Variants in TENM2 observed in about 807,000 individuals in gnomAD.
TENM2 encodes the protein teneurin-2.
A neutral mutation model predicts 245.2 loss-of-function variants in TENM2; 52 were observed. The ratio of observed to expected loss-of-function variants is 0.21; its 90% CI spans 0.17 to 0.27. The LOEUF is 0.27. Among genes scored for constraint, TENM2 ranks in the 10% least tolerant of loss-of-function variants. TENM2 has a pLI of 1.00. For synonymous variants in TENM2, 1,363 were observed against 1,438.9 expected, an observed-to-expected ratio of 0.95 and a Z score of 1.19; for missense variants, 3,046 against 3,666.8, an observed-to-expected ratio of 0.83 and a Z score of 4.37.
intron 1 of TENM2, among the ~76,000 whole-genome samples, chr5:167,353,709 G>GTT (rs1441637435): frequency 6.6e-6 from 1 of 151,386 alleles, no homozygotes; most frequent in Non-Finnish European, 1.5e-5. Context: ...GGGTTTCACC[G>GTT]TTTTAGCCGG....
At chr5:168,061,665 T>A (rs1031404965) in intron 6 of TENM2, among the ~76,000 whole-genome samples, 1 of 152,144 alleles carries the variant, frequency 6.6e-6, no homozygotes, top group Non-Finnish European at 1.5e-5. Flanking sequence ...CTAGAAAGAA[T>A]AATGAAAGGC....
intron 3 of TENM2, among the ~76,000 whole-genome samples, chr5:167,921,118 C>T (rs1777336600): frequency 6.6e-6 from 1 of 152,214 alleles, no homozygotes; most frequent in South Asian, 2.1e-4. Flanking sequence ...TATATGATTT[C>T]ACCATAATAT....
chr5:167,195,052 T>A, the TENM2 span, among the ~76,000 whole-genome samples: 1 of 151,946 alleles, frequency 6.6e-6, no homozygotes, highest in East Asian at 1.9e-4. Flanking sequence ...TTTATACTAA[T>A]CCATGCAATT....
intron 12 of TENM2, among the ~76,000 whole-genome samples, chr5:168,158,807 ATGTG>A (rs371329253): frequency 0.12 from 9,704 of 80,068 alleles, 1,045 homozygotes; most frequent in African/African-American, 0.29. Flanking sequence ...TAAAAAAAAA[ATGTG>A]TGTGTGTGTG....
chr5:168,172,489 C>G (rs1341209424), intron 13 of TENM2, among the ~76,000 whole-genome samples: 1 of 152,092 alleles, frequency 6.6e-6, no homozygotes, highest in Admixed American at 6.6e-5. Flanking sequence ...AAACTAGGAG[C>G]CAGAGAGAAC....
At chr5:168,198,262 C>T (rs1761632022) in intron 15 of TENM2, among the ~76,000 whole-genome samples, 1 of 134,520 alleles carries the variant, frequency 7.4e-6, no homozygotes, top group African/African-American at 2.9e-5. Context: ...GTGGCGCAAT[C>T]TCGGCCCACT....
chr5:167,021,342 C>G, the TENM2 span, among the ~76,000 whole-genome samples: 2 of 151,998 alleles, frequency 1.3e-5, no homozygotes, highest in African/African-American at 2.4e-5. Context: ...GCTGCAGAAC[C>G]AAATACAGTA....
chr5:168,177,972 C>T (rs936129887), intron 13 of TENM2, among the ~76,000 whole-genome samples: 1 of 152,178 alleles, frequency 6.6e-6, no homozygotes, highest in Non-Finnish European at 1.5e-5. Flanking sequence ...CCTCTAATTC[C>T]ACAGGAAGCT....
At chr5:167,552,919 T>TAATGAATGAATGAATGAATGAATG (rs10657967) in intron 2 of TENM2, among the ~76,000 whole-genome samples, 1 of 150,564 alleles carries the variant, frequency 6.6e-6, no homozygotes, top group Admixed American at 6.6e-5. Context: ...GGTAAGTTAA[T>TAATGAATGAATGAATGAATGAATG]AATGAATGAA....
intron 5 of TENM2, among the ~76,000 whole-genome samples, chr5:168,018,821 C>T (rs1785893445): frequency 6.6e-6 from 1 of 152,164 alleles, no homozygotes; most frequent in African/African-American, 2.4e-5. Context: ...CTCTCTAAGA[C>T]CTTAGTGATG....
chr5:167,710,518 G>A (rs1041504784), intron 2 of TENM2, among the ~76,000 whole-genome samples: 15 of 152,148 alleles, frequency 9.9e-5, no homozygotes, highest in African/African-American at 3.1e-4. Context: ...CCAGATGAAC[G>A]ACAAGAGAGC....
At position 168,262,745 on chromosome 5, in the gene TENM2, C is replaced by A. The variant is rs1167462160; in HGVS notation, c.8260C>A (p.Pro2754Thr). The A allele has an allele frequency of 1.9e-6, 3 of 1,610,732 alleles. No homozygotes were observed. In the Admixed American group the frequency reaches 5.0e-5, roughly 27 times the overall value. The stretch of plus-strand genomic sequence containing the variant: ...TTACGTGCTTCCCGTGGAGCAATAC[C>A]CAGAGCTTGCAGACAGTAGCAGCAA... The change falls in exon 29 of 29, where the codon CCA becomes ACA. Residue 2754 changes from proline to threonine, a missense_variant. By Grantham distance (38) the Pro-to-Thr change is conservative. Around this residue, in one of 2 missense-constraint regions of TENM2, gnomAD observed 2,704 missense variants for 3,331.9 expected, o/e 0.81. Transcript: ENST00000518659.
intron 5 of TENM2, among the ~76,000 whole-genome samples, chr5:168,038,385 G>A (rs1787892594): frequency 6.6e-6 from 1 of 152,066 alleles, no homozygotes; most frequent in African/African-American, 2.4e-5. Flanking sequence ...CACCCTATAA[G>A]GTCAGTGTGA....
chr5:167,016,449 A>C, the TENM2 span, among the ~76,000 whole-genome samples: 165 of 152,234 alleles, frequency 1.1e-3, 1 homozygote, highest in African/African-American at 3.2e-3. Flanking sequence ...AAACCTTACG[A>C]ATTCCTGATT....
chr5:167,278,174 C>T, the TENM2 span, among the ~76,000 whole-genome samples: 1 of 152,012 alleles, frequency 6.6e-6, no homozygotes. Flanking sequence ...CATGGTGGCA[C>T]ACGCTTGTAG....
chr5:167,399,354 G>A (rs1581938079), intron 2 of TENM2, among the ~76,000 whole-genome samples: 1 of 152,288 alleles, frequency 6.6e-6, no homozygotes, highest in African/African-American at 2.4e-5. Flanking sequence ...ATCAAAATAT[G>A]CAAGAAGCCC....
At chr5:167,687,333 A>T (rs781433356) in intron 2 of TENM2, among the ~76,000 whole-genome samples, 5 of 152,186 alleles carry the variant, frequency 3.3e-5, no homozygotes, top group Non-Finnish European at 7.3e-5. Flanking sequence ...TTTTTAAAAT[A>T]TGCATATGCA....
Position 167,825,160 on chromosome 5 carries a change from G to A in TENM2, c.503-50826G>A, listed in dbSNP as rs536735399. On this transcript the variant is annotated intron_variant, in intron 2 of 28. Coordinates refer to ENST00000518659, the Ensembl canonical transcript of TENM2. ...ATGGTGGGTGTGTTCTGCTTCCTTC[G>A]TATAGTCAAAGCTTCTGGAGGTGGA... Among the ~76,000 whole-genome samples the A allele has an allele frequency of 4.1e-4, 62 of 152,072 alleles. No homozygotes were observed. The South Asian group carries it at 7.3e-3, about 18-fold the overall frequency.
intron 5 of TENM2, among the ~76,000 whole-genome samples, chr5:168,037,508 G>C (rs186220135): frequency 6.9e-6 from 1 of 145,406 alleles, no homozygotes; most frequent in Non-Finnish European, 1.5e-5. Context: ...TCAATTTAAT[G>C]AATTTAGGAT....
Sources: gnomAD v4.1 joint callset for allele counts (sites outside exome capture counted in the v4.1 genomes callset) on GRCh38, gnomAD v4.1.1 for gene constraint, gnomAD v4.1.1 regional missense constraint, MANE v1.5 for transcripts, NCBI Gene and HGNC (gene_info 2026-07-23, HGNC 2026-07-21) for gene names.